ZNF25: variants seen among roughly 807,000 people sequenced by gnomAD.
The protein encoded by ZNF25 is zinc finger protein 25.
In ZNF25, 21 loss-of-function variants were observed where a neutral mutation model predicts 30.9. That is an observed-to-expected ratio of 0.68 (90% confidence interval 0.48 to 0.98). ZNF25 has a LOEUF of 0.98. Ranked by LOEUF, ZNF25 falls within the 50% of genes least tolerant of loss-of-function variation. The pLI is 0.00. For missense variants in ZNF25, 501 were observed against 529.9 expected (o/e 0.95, Z 0.54); for synonymous variants, 169 against 181.3 (o/e 0.93, Z 0.55).
At chr10:37,973,269 C>A (rs1237062881) in intron 1 of ZNF25, among the ~76,000 whole-genome samples, 1 of 151,368 alleles carries the variant, frequency 6.6e-6, no homozygotes, top group African/African-American at 2.4e-5. Flanking sequence ...ACCAAAAAAA[C>A]CCCAACACCT....
At chr10:37,959,150 C>G (rs1039659704) in intron 2 of ZNF25, among the ~76,000 whole-genome samples, 7 of 152,142 alleles carry the variant, frequency 4.6e-5, no homozygotes, top group African/African-American at 1.7e-4. Flanking sequence ...TTATATATCT[C>G]TGGGATGCTC....
intron 2 of ZNF25, among the ~76,000 whole-genome samples, chr10:37,959,729 C>T (rs984840119): frequency 6.6e-6 from 1 of 151,942 alleles, no homozygotes; most frequent in Non-Finnish European, 1.5e-5. Context: ...CCTGCCTCAG[C>T]CTCCTGAGTA....
chr10:37,967,724 G>A (rs180748082), intron 2 of ZNF25, among the ~76,000 whole-genome samples: 3 of 152,112 alleles, frequency 2.0e-5, no homozygotes, highest in East Asian at 3.9e-4. Context: ...GATTTTCAAC[G>A]AGGCTGTCAA....
intron 1 of ZNF25, among the ~76,000 whole-genome samples, chr10:37,973,039 A>G (rs1419488528): frequency 6.6e-6 from 1 of 152,056 alleles, no homozygotes; most frequent in Non-Finnish European, 1.5e-5. Context: ...GTGGTGGCGC[A>G]TGCCTGTAAT....
intron 2 of ZNF25, among the ~76,000 whole-genome samples, chr10:37,959,662 T>G (rs971650537): frequency 1.3e-5 from 2 of 152,010 alleles, no homozygotes. Context: ...CAGGCTGGAG[T>G]GCAATGGTGC....
intron 1 of ZNF25, among the ~76,000 whole-genome samples, chr10:37,973,447 C>T (rs1280740093): frequency 6.6e-6 from 1 of 151,752 alleles, no homozygotes; most frequent in African/African-American, 2.4e-5. Flanking sequence ...AAAACCCTGT[C>T]TCCACTAAAA....
At chr10:37,972,534 C>G (rs1409057709) in intron 1 of ZNF25, among the ~76,000 whole-genome samples, 1 of 152,094 alleles carries the variant, frequency 6.6e-6, no homozygotes, top group African/African-American at 2.4e-5. Context: ...TGGGCTGGGC[C>G]TAAGGTAAAA....
intron 2 of ZNF25, among the ~76,000 whole-genome samples, chr10:37,961,372 G>C: frequency 6.6e-6 from 1 of 151,970 alleles, no homozygotes; most frequent in East Asian, 1.9e-4. Context: ...AAGAGGGTAA[G>C]GACAAAACTG....
chr10:37,973,103 G>GGTT (rs777822205), intron 1 of ZNF25, among the ~76,000 whole-genome samples: 3 of 151,682 alleles, frequency 2.0e-5, no homozygotes, highest in Non-Finnish European at 4.4e-5. Context: ...AGGAGGCGGA[G>GGTT]GTTGCAGTGA....
chr10:37,966,558 A>C (rs2063199749), intron 2 of ZNF25, among the ~76,000 whole-genome samples: 1 of 152,204 alleles, frequency 6.6e-6, no homozygotes, highest in Admixed American at 6.5e-5. Context: ...GTGAAGGAGA[A>C]GTTGGCACAT....
chr10:37,960,314 C>T (rs552413678), intron 2 of ZNF25, among the ~76,000 whole-genome samples: 1 of 151,854 alleles, frequency 6.6e-6, no homozygotes, highest in South Asian at 2.1e-4. Flanking sequence ...CTAGAAGAGC[C>T]CAAAAAGGAA....
At chr10:37,962,016 C>A (rs2062911220) in intron 2 of ZNF25, among the ~76,000 whole-genome samples, 1 of 150,146 alleles carries the variant, frequency 6.7e-6, no homozygotes, top group South Asian at 2.1e-4. Flanking sequence ...GCAGGTGGAT[C>A]ATGAGGTCAG....
At chr10:37,974,859 C>T (rs1049681963) in intron 1 of ZNF25, among the ~76,000 whole-genome samples, 1 of 152,126 alleles carries the variant, frequency 6.6e-6, no homozygotes, top group African/African-American at 2.4e-5. Context: ...ACAGAATCCA[C>T]CTAAGTACCC....
chr10:37,974,770 C>A (rs2063705759), intron 1 of ZNF25, among the ~76,000 whole-genome samples: 1 of 151,964 alleles, frequency 6.6e-6, no homozygotes, highest in Non-Finnish European at 1.5e-5. Flanking sequence ...TATATATATC[C>A]AAAAGAAGGG....
chr10:37,973,402 G>T (rs988652215), intron 1 of ZNF25, among the ~76,000 whole-genome samples: 1 of 151,888 alleles, frequency 6.6e-6, no homozygotes, highest in East Asian at 1.9e-4. Flanking sequence ...GATCACCTGA[G>T]GTCAGGAGTT....
In ZNF25 at chr10:37,957,039, A is replaced by AAAT. The variant is rs1266650415; in HGVS notation, c.216_218dup (p.Glu72_Phe73insLeu). 6.2e-7 allele frequency: 1 copy of AAAT among 1,614,036 alleles called. No individual in the cohort carries two copies. Among genetic ancestry groups the AAAT allele is most frequent in the Non-Finnish European group, 8.5e-7 (1 of 1,179,988 alleles). On this transcript the variant is annotated inframe_insertion, in exon 4 of 6. Transcript: ENST00000302609. ...ACTCACCAGGGAAGCCCCGATGTGG[A>AAAT]AATTCTACTTCTAATATCCATGGCT...
At chr10:37,971,587 G>A (rs777538953) in intron 2 of ZNF25, 121 bp downstream of exon 2, 92 of 1,493,994 alleles carry the variant, frequency 6.2e-5, no homozygotes, top group East Asian at 1.1e-4. Flanking sequence ...CTATTTCTAC[G>A]TTTCTAATTT....
intron 1 of ZNF25, among the ~76,000 whole-genome samples, chr10:37,972,587 G>A (rs533916068): frequency 6.6e-6 from 1 of 152,152 alleles, no homozygotes; most frequent in East Asian, 1.9e-4. Flanking sequence ...AATCTAATCT[G>A]CTGACAGTGA....
rs1170674314 is a variant in ZNF25, at chr10:37,951,264, T to C, written c.*863A>G. 4.6e-5 allele frequency: 7 copies of C among 152,332 alleles called. No homozygotes were observed. The highest frequency in any genetic ancestry group is 2.9e-5 in the Non-Finnish European group (2 of 68,030). The allele number at this position is 152,332 out of a possible 1,614,324, so 9.4% of individuals were successfully genotyped here. A position where few individuals can be genotyped will look rare whatever the true frequency, so the allele number is the denominator to read the frequency against. On this transcript the variant is annotated 3_prime_UTR_variant, in exon 6 of 6. Transcript: ENST00000302609. ...ATGTGCAACATCTTCATACACATAA[T>C]AGTTACTGAACTAAGATTATATTAT...
Sources: gnomAD v4.1 joint callset for allele counts (sites outside exome capture counted in the v4.1 genomes callset) on GRCh38, gnomAD v4.1.1 for gene constraint, MANE v1.5 for transcripts, NCBI Gene and HGNC (gene_info 2026-07-23, HGNC 2026-07-21) for gene names.